TFCP2L1: variants seen among roughly 807,000 people sequenced by gnomAD.
The protein encoded by TFCP2L1 is transcription factor CP2-like protein 1.
In TFCP2L1, 12 loss-of-function variants were observed where a neutral mutation model predicts 72.2. The ratio of observed to expected loss-of-function variants is 0.17; its 90% CI spans 0.11 to 0.27. The LOEUF (loss-of-function observed/expected upper bound fraction) is 0.27. TFCP2L1 is among the 10% of genes least tolerant of loss of function. The pLI is 1.00. For synonymous variants in TFCP2L1, 260 were observed against 251.0 expected (o/e 1.04, Z -0.34); for missense variants, 488 against 624.6 (o/e 0.78, Z 2.33).
chr2:121,232,112 G>GTT (rs1686157487), intron 12 of TFCP2L1, 144 bp from the exon 13 acceptor site: 1 of 75,596 alleles, frequency 1.3e-5, no homozygotes, highest in Admixed American at 1.8e-4. Flanking sequence ...CACTCTTTTT[G>GTT]TTTTGTTTTG....
intron 2 of TFCP2L1, among the ~76,000 whole-genome samples, chr2:121,263,199 G>C (rs1353891973): frequency 6.6e-6 from 1 of 152,086 alleles, no homozygotes; most frequent in African/African-American, 2.4e-5. Flanking sequence ...GCCTCCCAAA[G>C]TGCTGGGATT....
At chr2:121,283,152 C>T (rs1205024842) in intron 1 of TFCP2L1, among the ~76,000 whole-genome samples, 1 of 152,066 alleles carries the variant, frequency 6.6e-6, no homozygotes, top group Admixed American at 6.5e-5. Flanking sequence ...AAGTTAAGAA[C>T]CATCCCTCAA....
intron 1 of TFCP2L1, among the ~76,000 whole-genome samples, chr2:121,283,466 C>T (rs1687304730): frequency 6.6e-6 from 1 of 152,170 alleles, no homozygotes; most frequent in Admixed American, 6.6e-5. Context: ...ACTTCTTTAT[C>T]CATGGTCCCC....
At chr2:121,263,089 C>T (rs997417827) in intron 2 of TFCP2L1, among the ~76,000 whole-genome samples, 2 of 152,160 alleles carry the variant, frequency 1.3e-5, no homozygotes, top group African/African-American at 4.8e-5. Context: ...GCATGCGCCA[C>T]CACGTCCAGC....
In TFCP2L1 at chr2:121,269,918, A is replaced by AAAAAAAAAAAAAT; in HGVS notation, c.214+11201_214+11202insATTTTTTTTTTTT. Among the ~76,000 whole-genome samples the AAAAAAAAAAAAAT allele has an allele frequency of 1.1e-3, 125 of 115,158 alleles. 2 individuals are homozygous for AAAAAAAAAAAAAT. The South Asian group carries it at 0.016, about 14-fold the overall frequency. 75.5% of individuals were successfully genotyped at this position (115,158 alleles called of 152,430 possible). ...AGCAAGACTCCATCTAAAAAAAAAAAATATATATATATATATATGCAAAAG... is the reference window on the plus strand; with the variant it reads ...AGCAAGACTCCATCTAAAAAAAAAAAAAAAAAAAAAAATATATATATATATATATATGCAAAAG... On this transcript the variant is annotated intron_variant, in intron 2 of 14. Coordinates refer to ENST00000263707, the MANE Select transcript of TFCP2L1 (RefSeq NM_014553.3).
rs367802020 is a variant in TFCP2L1 at position 121,247,788 on chromosome 2, G to A, written c.504+376C>T. Among the ~76,000 whole-genome samples the A allele has an allele frequency of 1.1e-3, 162 of 151,616 alleles. 7 individuals are homozygous for A. In the South Asian group the frequency reaches 0.032, roughly 30 times the overall value. ...TCCTTCACCACCTTGATCTCACATG[G>A]CATATAACACAAGGCTGGATCCACA... On this transcript the variant is annotated intron_variant, in intron 5 of 14. Transcript: ENST00000263707.
chr2:121,280,195 G>GA (rs529683353), intron 2 of TFCP2L1, among the ~76,000 whole-genome samples: 8,102 of 141,202 alleles, frequency 0.057, 261 homozygotes, highest in African/African-American at 0.1. Context: ...GAGGTTCAGA[G>GA]AAAAAAAAAA....
intron 2 of TFCP2L1, among the ~76,000 whole-genome samples, chr2:121,252,806 C>T (rs1192502107): frequency 6.6e-6 from 1 of 152,226 alleles, no homozygotes; most frequent in Non-Finnish European, 1.5e-5. Flanking sequence ...TTTGTAGCAA[C>T]TTGTTACAGC....
At chr2:121,249,367 A>G (rs983952212) in intron 3 of TFCP2L1, among the ~76,000 whole-genome samples, 7 of 152,166 alleles carry the variant, frequency 4.6e-5, no homozygotes, top group African/African-American at 1.4e-4. Flanking sequence ...GAAAAGTTCA[A>G]CGCTGCCAGC....
intron 7 of TFCP2L1, 82 bp downstream of exon 7, chr2:121,242,277 G>A (rs567419203): frequency 1.5e-5 from 19 of 1,254,510 alleles, no homozygotes; most frequent in East Asian, 4.7e-5. Flanking sequence ...CGAGATGGGC[G>A]ATTTTCCAAG....
At chr2:121,230,102 G>A (rs1192452716) in intron 13 of TFCP2L1, among the ~76,000 whole-genome samples, 1 of 152,128 alleles carries the variant, frequency 6.6e-6, no homozygotes, top group East Asian at 1.9e-4. Flanking sequence ...GGTCTGCTGG[G>A]GGCTGAACTG....
At chr2:121,226,191 G>A (rs1162834389) in intron 13 of TFCP2L1, among the ~76,000 whole-genome samples, 2 of 152,000 alleles carry the variant, frequency 1.3e-5, no homozygotes, top group East Asian at 1.9e-4. Flanking sequence ...CAGTGTCTAC[G>A]AATGCAGCAG....
rs200194149 is a variant in TFCP2L1, at chr2:121,281,280, C to T, written c.63-9G>A. The T allele has an allele frequency of 5.7e-6, 9 of 1,589,296 alleles. No individual in the cohort carries two copies. The highest frequency in any genetic ancestry group is 5.4e-5 in the Admixed American group (3 of 55,912). Reference sequence around the variant, plus strand: ...GCAGAGCGAGCACATCACTGCAACACACGGGAAGCAGAGGTCAGGAGCAGA... The same window carrying T: ...GCAGAGCGAGCACATCACTGCAACATACGGGAAGCAGAGGTCAGGAGCAGA... On this transcript the variant is annotated splice_polypyrimidine_tract_variant and intron_variant, in intron 1 of 14. Transcript: ENST00000263707.
chr2:121,252,384 A>G (rs1686629840), intron 2 of TFCP2L1, among the ~76,000 whole-genome samples: 1 of 152,192 alleles, frequency 6.6e-6, no homozygotes, highest in African/African-American at 2.4e-5. Flanking sequence ...ATTGATTAGT[A>G]CCAAGACACT....
intron 2 of TFCP2L1, among the ~76,000 whole-genome samples, chr2:121,256,541 G>A (rs530361498): frequency 1.9e-4 from 29 of 152,260 alleles, no homozygotes; most frequent in Middle Eastern, 3.4e-3. Context: ...ACTTTGGGAG[G>A]CCGAGGTGGG....
chr2:121,267,737 C>G (rs767782592), intron 2 of TFCP2L1, among the ~76,000 whole-genome samples: 6 of 152,160 alleles, frequency 3.9e-5, no homozygotes, highest in Non-Finnish European at 8.8e-5. Flanking sequence ...TCAAGTGATG[C>G]GCCTGCCTTG....
At chr2:121,261,412 AAAAGAATG>A (rs960213245) in intron 2 of TFCP2L1, among the ~76,000 whole-genome samples, 2 of 152,180 alleles carry the variant, frequency 1.3e-5, no homozygotes, top group African/African-American at 4.8e-5. Context: ...AAATGCTCAA[AAAAGAATG>A]AAGCCATGTC....
At position 121,242,417 on chromosome 2, in the gene TFCP2L1, C is replaced by T; in HGVS notation, c.710G>A (p.Arg237Lys). The T allele has an allele frequency of 6.2e-7, 1 of 1,614,188 alleles. No homozygotes were observed. Among genetic ancestry groups the T allele is most frequent in the Non-Finnish European group, 8.5e-7 (1 of 1,180,034 alleles). Residue 237 changes from arginine to lysine, a missense_variant, in exon 7 of 15, where the codon AGA (arginine) becomes AAA (lysine). By Grantham distance (26) the Arg-to-Lys change is conservative. Transcript: ENST00000263707. ...QKTDREKMEKRTAQEKEKYQP... is the reference protein window; with the variant it reads ...QKTDREKMEKKTAQEKEKYQP... Reference sequence around the variant, plus strand: ...GTATTTCTCCTTCTCTTGGGCAGTTCTTTTCTCCATCTTCTCCCGGTCAGT... The same window carrying T: ...GTATTTCTCCTTCTCTTGGGCAGTTTTTTTCTCCATCTTCTCCCGGTCAGT...
chr2:121,267,278 T>C (rs1305772799), intron 2 of TFCP2L1, among the ~76,000 whole-genome samples: 3 of 152,154 alleles, frequency 2.0e-5, no homozygotes, highest in Non-Finnish European at 4.4e-5. Context: ...TCTTGAACTC[T>C]GGGCTGAAGG....
Sources: allele counts gnomAD v4.1 joint callset (sites outside exome capture counted in the v4.1 genomes callset), GRCh38; gene constraint gnomAD v4.1.1; transcripts MANE v1.5; gene names NCBI Gene and HGNC (gene_info 2026-07-23, HGNC 2026-07-21).